CARS1: variants seen among roughly 807,000 people sequenced by gnomAD.
The protein encoded by CARS1 is cysteine--tRNA ligase, cytoplasmic.
In CARS1, 48 loss-of-function variants were observed where a neutral mutation model predicts 106.2. That is an observed-to-expected ratio of 0.45 (90% confidence interval 0.36 to 0.57). The LOEUF is 0.57. Ranked by LOEUF, CARS1 falls within the 20% of genes least tolerant of loss-of-function variation. The pLI is 0.00. For synonymous variants in CARS1, 409 were observed against 403.4 expected, an observed-to-expected ratio of 1.01 and a Z score of -0.17; for missense variants, 968 against 1,057.2, an observed-to-expected ratio of 0.92 and a Z score of 1.17.
rs147648513 is a variant in CARS1, at chr11:3,019,573, G to A, written c.1267-306C>T. On this transcript the variant is annotated intron_variant, in intron 11 of 22. Coordinates refer to ENST00000380525, the MANE Select transcript of CARS1 (RefSeq NM_001014437.3). This position sits in a 1 kb window ranked among gnomAD's most constrained non-coding sequence, Gnocchi z 6.2. ...ACAAAAATTAGCTGAGCATGGTGAC[G>A]TATGCCTGTAATCCCAGCTACTCAG... Among the ~76,000 whole-genome samples, 12 of 152,166 alleles carry A rather than the reference G, an allele frequency of 7.9e-5. No homozygotes were observed. Among genetic ancestry groups the A allele is most frequent in the African/African-American group, 2.4e-4 (10 of 41,512 alleles).
At position 3,028,657 on chromosome 11, in the gene CARS1, A is replaced by G; in HGVS notation, c.1031+339T>C. 2.8e-6 allele frequency: 1 copy of G among 356,210 alleles called. No individual in the cohort carries two copies. Among genetic ancestry groups the G allele is most frequent in the South Asian group, 7.3e-5 (1 of 13,752 alleles). The allele number at this position is 356,210 out of a possible 1,614,324, so 22.1% of individuals were successfully genotyped here. ...TATGACACCAGGACTAGCACTCTCAAAATGTCTACGCAATGGCACTGATGT... is the reference window on the plus strand; with the variant it reads ...TATGACACCAGGACTAGCACTCTCAGAATGTCTACGCAATGGCACTGATGT... On this transcript the variant is annotated intron_variant, in intron 9 of 22. Transcript: ENST00000380525. The surrounding 1 kb of genome is among the most constrained non-coding windows in gnomAD (Gnocchi z 4.4).
intron 7 of CARS1, among the ~76,000 whole-genome samples, chr11:3,032,032 CT>C (rs1565074790): frequency 8.0e-4 from 49 of 60,938 alleles, no homozygotes; most frequent in African/African-American, 1.6e-3. Context: ...CCCTCCCTCC[CT>C]CCCTCCCTCC....
chr11:3,054,798 T>A, intron 1 of CARS1: 1 of 694,770 alleles, frequency 1.4e-6, no homozygotes, highest in South Asian at 1.5e-5. Flanking sequence ...TGGCACAGAC[T>A]CATGCTGAAA....
rs777926522 is a variant in CARS1, at chr11:3,043,058, A to G, written c.275-802T>C. ...TTCATAAATAACCTGAGCTCCTCTCAGCCTCCAGGCAGAGACCCCTGCCAG... is the reference window on the plus strand; with the variant it reads ...TTCATAAATAACCTGAGCTCCTCTCGGCCTCCAGGCAGAGACCCCTGCCAG... On this transcript the variant is annotated intron_variant, in intron 2 of 22. Transcript: ENST00000380525. The surrounding 1 kb of genome is among the most constrained non-coding windows in gnomAD (Gnocchi z 4.0). Among the ~76,000 whole-genome samples the G allele has an allele frequency of 8.5e-5, 13 of 152,270 alleles. No homozygotes were observed. Among genetic ancestry groups the G allele is most frequent in the Non-Finnish European group, 1.5e-4 (10 of 68,022 alleles).
Position 3,029,489 on chromosome 11 carries a change from C to T in CARS1, c.802-46G>A. The T allele has an allele frequency of 6.2e-7, 1 of 1,601,846 alleles. No homozygotes were observed. The highest frequency in any genetic ancestry group is 8.5e-7 in the Non-Finnish European group (1 of 1,174,732). ...ATCCAGCAGCGGGCCACACACTTCA[C>T]ATGAGAACATCTCGTGCAGCTGGTG... On this transcript the variant is annotated intron_variant, in intron 7 of 22. Coordinates refer to ENST00000380525, the MANE Select transcript of CARS1 (RefSeq NM_001014437.3). This position sits in a 1 kb window ranked among gnomAD's most constrained non-coding sequence, Gnocchi z 5.9.
chr11:3,025,735 A>G (rs1207248187), intron 10 of CARS1, among the ~76,000 whole-genome samples: 1 of 152,224 alleles, frequency 6.6e-6, no homozygotes, highest in Non-Finnish European at 1.5e-5. Context: ...TAAGGGATAA[A>G]CATGAAGAAA....
chr11:3,047,798 G>A lies in CARS1; in HGVS notation c.229C>T (p.Leu77=), dbSNP rs763223233. The A allele has an allele frequency of 2.5e-6, 4 of 1,614,010 alleles. No individual in the cohort carries two copies. The highest frequency in any genetic ancestry group is 2.7e-5 in the African/African-American group (2 of 74,942). Residue 77 remains leucine, a synonymous_variant, in exon 2 of 23, where the codon CTG becomes TTG. Coordinates refer to ENST00000380525, the MANE Select transcript of CARS1 (RefSeq NM_001014437.3). ...TGGCCTTTGCCACAGGGGCTACCCA[G>A]GAGCGCTTCTATGTGCCTGAACCAC... The part of the protein sequence containing the change: ...ARWFRHIEAL[L]GSPCGKGQPC...
rs951416457 is a variant in CARS1, at chr11:3,038,575, G to A, written c.652-376C>T. On this transcript the variant is annotated intron_variant, in intron 6 of 22. Transcript: ENST00000380525. This position sits in a 1 kb window ranked among gnomAD's most constrained non-coding sequence, Gnocchi z 4.0. ...ATCAGGAAGGTACTCAGGCCTCACTGACCTAAAAGATTGCTCAGCTCTAAT... is the reference window on the plus strand; with the variant it reads ...ATCAGGAAGGTACTCAGGCCTCACTAACCTAAAAGATTGCTCAGCTCTAAT... 7.9e-5 allele frequency among the ~76,000 whole-genome samples: 12 copies of A among 152,206 alleles called. No homozygotes were observed. The highest frequency in any genetic ancestry group is 2.9e-4 in the African/African-American group (12 of 41,456).
At chr11:3,006,839 C>A in intron 19 of CARS1, 40 bp downstream of exon 19, 3 of 1,524,190 alleles carry the variant, frequency 2.0e-6, no homozygotes, top group Non-Finnish European at 2.7e-6. Context: ...CCTCTCCAAG[C>A]TCCTGGTAAC....
In CARS1 at chr11:3,036,361, C is replaced by CAA. The variant is rs141296919; in HGVS notation, c.801+1688_801+1689insTT. 8.4e-4 allele frequency among the ~76,000 whole-genome samples: 128 copies of CAA among 152,352 alleles called. 2 individuals are homozygous for CAA. The East Asian group carries it at 0.023, about 27-fold the overall frequency. On this transcript the variant is annotated intron_variant, in intron 7 of 22. Transcript: ENST00000380525. ...CTACACAACCCAGCGATTCCACTTG[C>CAA]AGGTATATGGCCTAAAGAAACTTGC...
rs930718275 is a variant in CARS1 at position 3,046,950 on chromosome 11, A to G, written c.274+803T>C. The stretch of plus-strand genomic sequence containing the variant: ...GGAGCTACGGGACAGACATCATCTC[A>G]AAGAGAAAAAATGACTTATTTCTGA... On this transcript the variant is annotated intron_variant, in intron 2 of 22. Transcript: ENST00000380525. The surrounding 1 kb of genome is among the most constrained non-coding windows in gnomAD (Gnocchi z 5.8). 6.6e-5 allele frequency among the ~76,000 whole-genome samples: 10 copies of G among 152,120 alleles called. No homozygotes were observed. The highest frequency in any genetic ancestry group is 2.4e-4 in the African/African-American group (10 of 41,502).
intron 18 of CARS1, chr11:3,007,341 G>A: frequency 4.2e-6 from 1 of 237,302 alleles, no homozygotes. Context: ...CCCTTCGGGT[G>A]CTAACACTCT....
At position 3,040,520 on chromosome 11, in the gene CARS1, C is replaced by A. The variant is rs1174502341; in HGVS notation, c.455+376G>T. ...GGTCGGGGGGCGGTCACAGCCAACC[C>A]AGCGTCAGGCCTGTCAGGTCTGAGT... On this transcript the variant is annotated intron_variant, in intron 4 of 22. Transcript: ENST00000380525. The surrounding 1 kb of genome is among the most constrained non-coding windows in gnomAD (Gnocchi z 5.8). The A allele has an allele frequency of 2.1e-6, 1 of 482,844 alleles. No individual in the cohort carries two copies. Among genetic ancestry groups the A allele is most frequent in the South Asian group, 1.5e-5 (1 of 64,784 alleles). The allele number at this position is 482,844 out of a possible 1,614,324, so 29.9% of individuals were successfully genotyped here. A position where few individuals can be genotyped will look rare whatever the true frequency, so the allele number is the denominator to read the frequency against.
At chr11:3,005,107 CAA>C (rs71035465) in intron 20 of CARS1, among the ~76,000 whole-genome samples, 2,524 of 90,682 alleles carry the variant, frequency 0.028, 18 homozygotes, top group Middle Eastern at 0.081. Context: ...GACTCCGTCT[CAA>C]AAAAAAAAAA....
In CARS1 at chr11:3,019,347, G is replaced by A; in HGVS notation, c.1267-80C>T. ...TTATCACTTATCACTCCAAGTTGAT[G>A]GCCCTTACATCCTCTGAACTTTATT... On this transcript the variant is annotated intron_variant, in intron 11 of 22. Transcript: ENST00000380525. This position sits in a 1 kb window ranked among gnomAD's most constrained non-coding sequence, Gnocchi z 6.2. The A allele has an allele frequency of 7.6e-7, 1 of 1,308,584 alleles. No individual in the cohort carries two copies. Among genetic ancestry groups the A allele is most frequent in the Non-Finnish European group, 9.9e-7 (1 of 1,013,744 alleles). 81.1% of individuals were successfully genotyped at this position (1,308,584 alleles called of 1,614,324 possible). A position where few individuals can be genotyped will look rare whatever the true frequency, so the allele number is the denominator to read the frequency against.
Position 3,039,140 on chromosome 11 carries a change from C to A in CARS1, c.651+54G>T. 1.8e-6 allele frequency: 2 copies of A among 1,133,608 alleles called. No homozygotes were observed. The highest frequency in any genetic ancestry group is 2.4e-5 in the East Asian group (1 of 42,544). The allele number at this position is 1,133,608 out of a possible 1,614,324, so 70.2% of individuals were successfully genotyped here. ...CCTAGGGACAGTAGCCTACAAAGGA[C>A]CGAGAACAGAAAGCAAAGGGCTCGG... On this transcript the variant is annotated intron_variant, in intron 6 of 22. Coordinates refer to ENST00000380525, the MANE Select transcript of CARS1 (RefSeq NM_001014437.3). The surrounding 1 kb of genome is among the most constrained non-coding windows in gnomAD (Gnocchi z 5.6).
chr11:3,002,432 G>A, intron 21 of CARS1, 109 bp downstream of exon 21: 2 of 1,550,830 alleles, frequency 1.3e-6, no homozygotes, highest in Non-Finnish European at 1.7e-6. Flanking sequence ...TTCTGTGAGG[G>A]TCTGCAGGGG....
rs548299048 is a variant in CARS1 at position 3,046,552 on chromosome 11, G to A, written c.274+1201C>T. 4.9e-4 allele frequency among the ~76,000 whole-genome samples: 74 copies of A among 152,266 alleles called. No homozygotes were observed. The highest frequency in any genetic ancestry group is 1.5e-3 in the Admixed American group (23 of 15,280). On this transcript the variant is annotated intron_variant, in intron 2 of 22. Transcript: ENST00000380525. The surrounding 1 kb of genome is among the most constrained non-coding windows in gnomAD (Gnocchi z 5.8). The stretch of plus-strand genomic sequence containing the variant: ...TGCTGCAGAGTTATCCAGAAAACAC[G>A]ACCCACAGGAGATGTGACATCCCCA...
chr11:3,005,437 C>A lies in CARS1; in HGVS notation c.2150-4G>T. ...AGTTTCACCACTGTGGGCAGTCCTG[C>A]AAAATAAACTGCGTGTGAGAAGAGT... is the stretch of plus-strand genomic sequence containing the variant. On this transcript the variant is annotated splice_polypyrimidine_tract_variant and splice_region_variant and intron_variant, in intron 19 of 22. Coordinates refer to ENST00000380525, the MANE Select transcript of CARS1 (RefSeq NM_001014437.3). 4 of 1,612,512 alleles carry A rather than the reference C, an allele frequency of 2.5e-6. No individual in the cohort carries two copies. The highest frequency in any genetic ancestry group is 3.4e-6 in the Non-Finnish European group (4 of 1,178,692).
Sources: allele counts gnomAD v4.1 joint callset (sites outside exome capture counted in the v4.1 genomes callset), GRCh38; gene constraint gnomAD v4.1.1; non-coding constraint Gnocchi (gnomAD v3.1); transcripts MANE v1.5; gene names NCBI Gene and HGNC (gene_info 2026-07-23, HGNC 2026-07-21).